Variants in PTPRJ observed in about 807,000 individuals in gnomAD.
The protein encoded by PTPRJ is receptor-type tyrosine-protein phosphatase eta.
In PTPRJ, 129 loss-of-function variants were observed where a neutral mutation model predicts 141.3. The ratio of observed to expected loss-of-function variants is 0.91; its 90% CI spans 0.79 to 1.06. The LOEUF (loss-of-function observed/expected upper bound fraction) is 1.06, where lower values mean the gene tolerates loss of function less well. PTPRJ is among the 50% of genes least tolerant of loss of function. PTPRJ has a pLI of 0.00. For missense variants in PTPRJ, 1,601 were observed against 1,679.7 expected, an observed-to-expected ratio of 0.95 and a Z score of 0.82; for synonymous variants, 610 against 640.5, an observed-to-expected ratio of 0.95 and a Z score of 0.72.
chr11:47,980,636 G>T lies in PTPRJ; in HGVS notation c.-277G>T. Reference sequence around the variant, plus strand: ...GGGACCGGGTAGCCGCGCGCTGGGGGTGGGCGCCGCTCGCTCCGCCCCGCG... The same window carrying T: ...GGGACCGGGTAGCCGCGCGCTGGGGTTGGGCGCCGCTCGCTCCGCCCCGCG... On this transcript the variant is annotated 5_prime_UTR_variant, in exon 1 of 25. Transcript: ENST00000418331. 1.7e-5 allele frequency: 17 copies of T among 984,236 alleles called. No individual in the cohort carries two copies. Among genetic ancestry groups the T allele is most frequent in the Non-Finnish European group, 2.0e-5 (17 of 830,168 alleles). The allele number at this position is 984,236 out of a possible 1,614,324, so 61.0% of individuals were successfully genotyped here.
At chr11:48,149,733 AC>A in intron 16 of PTPRJ, 1 of 540,784 alleles carries the variant, frequency 1.8e-6, no homozygotes, top group East Asian at 3.2e-5. Context: ...GATTAAAAAA[AC>A]GTCAAATAGG....
At chr11:48,041,018 C>T (rs1441774108) in intron 1 of PTPRJ, among the ~76,000 whole-genome samples, 2 of 152,056 alleles carry the variant, frequency 1.3e-5, no homozygotes, top group East Asian at 3.9e-4. Context: ...TCTGTGTCAC[C>T]CTCCTGCTCC....
intron 6 of PTPRJ, among the ~76,000 whole-genome samples, chr11:48,126,684 T>G (rs114460034): frequency 0.016 from 2,382 of 151,402 alleles, 61 homozygotes; most frequent in African/African-American, 0.054. Flanking sequence ...TCTAATTACC[T>G]CCCAAAAGCC....
chr11:48,097,132 TG>T (rs1856026485), intron 1 of PTPRJ, among the ~76,000 whole-genome samples: 1 of 152,012 alleles, frequency 6.6e-6, no homozygotes, highest in Non-Finnish European at 1.5e-5. Context: ...CAGCACCTGG[TG>T]GTAAGAGGTG....
At chr11:48,159,154 TGTGTG>T (rs1189516059) in intron 21 of PTPRJ, among the ~76,000 whole-genome samples, 2 of 150,460 alleles carry the variant, frequency 1.3e-5, no homozygotes, top group Non-Finnish European at 1.5e-5. Flanking sequence ...TGTGTGTGTG[TGTGTG>T]TGGTCATTTG....
chr11:47,999,581 C>A (rs868567017), intron 1 of PTPRJ, among the ~76,000 whole-genome samples: 2 of 152,152 alleles, frequency 1.3e-5, no homozygotes, highest in East Asian at 1.9e-4. Context: ...GTTGGAGGCT[C>A]CCTCCCCAGA....
chr11:48,138,626 A>G (rs1031696017), intron 10 of PTPRJ, among the ~76,000 whole-genome samples: 2 of 152,182 alleles, frequency 1.3e-5, no homozygotes, highest in Admixed American at 6.5e-5. Context: ...ATAACACTCT[A>G]TTTTGAAGAT....
At chr11:47,994,771 G>T (rs1854287473) in intron 1 of PTPRJ, among the ~76,000 whole-genome samples, 1 of 152,216 alleles carries the variant, frequency 6.6e-6, no homozygotes, top group Non-Finnish European at 1.5e-5. Flanking sequence ...TCTTGCTGGA[G>T]GGTCTCTGTT....
chr11:48,159,778 A>G, intron 21 of PTPRJ, 152 bp from the exon 22 acceptor site: 1 of 909,174 alleles, frequency 1.1e-6, no homozygotes, highest in South Asian at 1.7e-5. Context: ...ATAAAATAAA[A>G]TAAAAAAATT....
chr11:48,161,197 A>AAAAAG (rs1417262010), intron 22 of PTPRJ, among the ~76,000 whole-genome samples: 2 of 151,540 alleles, frequency 1.3e-5, no homozygotes, highest in Non-Finnish European at 2.9e-5. Flanking sequence ...AAAAAAAAAA[A>AAAAAG]AGATAAATAA....
intron 3 of PTPRJ, 33 bp from the exon 4 acceptor site, chr11:48,120,970 G>A (rs1455305443): frequency 1.3e-5 from 19 of 1,428,792 alleles, no homozygotes; most frequent in Non-Finnish European, 1.6e-5. Flanking sequence ...TTTTTGAAGT[G>A]CAATAATTTT....
chr11:48,162,472 C>G (rs1410344825), intron 22 of PTPRJ, among the ~76,000 whole-genome samples: 1 of 151,886 alleles, frequency 6.6e-6, no homozygotes, highest in African/African-American at 2.4e-5. Context: ...TGGATCAGTA[C>G]TTCTGGTTAA....
chr11:48,159,914 T>C lies in PTPRJ; in HGVS notation c.3439-16T>C, dbSNP rs1013097207. The C allele has an allele frequency of 3.1e-6, 5 of 1,613,104 alleles. No individual in the cohort carries two copies. In the Admixed American group the frequency reaches 5.0e-5, roughly 16 times the overall value. The stretch of plus-strand genomic sequence containing the variant: ...CATGATCTGAGTCTTCTTATAAAAA[T>C]GCAATTTTGTTCTAGACCAAATGTG... On this transcript the variant is annotated splice_polypyrimidine_tract_variant and intron_variant, in intron 21 of 24. Coordinates refer to ENST00000418331, the MANE Select transcript of PTPRJ (RefSeq NM_002843.4).
Position 48,150,178 on chromosome 11 carries a change from T to G in PTPRJ, c.3133T>G (p.Tyr1045Asp), listed in dbSNP as rs781156806. The stretch of plus-strand genomic sequence containing the variant: ...CTCCAACTGTGGGTTCGCAGAGGAA[T>G]ACGAAGTATGTTGCTGTAAATACTG... ...ADSNCGFAEE[Y>D]EDLKLVGISQ... Residue 1045 changes from tyrosine to aspartate, a missense_variant, in exon 18 of 25, where the codon TAC becomes GAC. Physicochemically the swap from Tyr to Asp is radical, Grantham distance 160. Transcript: ENST00000418331. 1 of 1,613,538 alleles carries G rather than the reference T, an allele frequency of 6.2e-7. No individual in the cohort carries two copies. Among genetic ancestry groups the G allele is most frequent in the African/African-American group, 1.3e-5 (1 of 75,036 alleles).
At chr11:48,110,413 G>T (rs1856409567) in intron 2 of PTPRJ, among the ~76,000 whole-genome samples, 1 of 152,040 alleles carries the variant, frequency 6.6e-6, no homozygotes, top group Non-Finnish European at 1.5e-5. Flanking sequence ...TCCCCATGTT[G>T]GTCTTGAACT....
intron 1 of PTPRJ, among the ~76,000 whole-genome samples, chr11:48,078,232 G>A (rs1459823047): frequency 6.6e-6 from 1 of 151,792 alleles, no homozygotes; most frequent in Non-Finnish European, 1.5e-5. Flanking sequence ...CTAATTTTGT[G>A]TTTTTAGTAG....
chr11:47,995,257 C>T (rs1185680503), intron 1 of PTPRJ, among the ~76,000 whole-genome samples: 1 of 152,140 alleles, frequency 6.6e-6, no homozygotes, highest in Non-Finnish European at 1.5e-5. Context: ...GAATATTTAT[C>T]ATCAACTGTT....
intron 1 of PTPRJ, among the ~76,000 whole-genome samples, chr11:47,994,593 G>A (rs539861914): frequency 6.6e-6 from 1 of 152,190 alleles, no homozygotes; most frequent in African/African-American, 2.4e-5. Context: ...GGTTGCTTGA[G>A]TCCTGGAGGC....
intron 1 of PTPRJ, among the ~76,000 whole-genome samples, chr11:48,026,104 C>A (rs1202883878): frequency 6.6e-6 from 1 of 152,198 alleles, no homozygotes; most frequent in Non-Finnish European, 1.5e-5. Flanking sequence ...TCCACCACAG[C>A]CCTTATGACA....
Sources: allele counts gnomAD v4.1 joint callset (sites outside exome capture counted in the v4.1 genomes callset), GRCh38; gene constraint gnomAD v4.1.1; transcripts MANE v1.5; gene names NCBI Gene and HGNC (gene_info 2026-07-23, HGNC 2026-07-21).